The following IGF2BP2 variants were observed in gnomAD, a reference collection of about 807,000 sequenced individuals.
IGF2BP2 encodes the protein insulin like growth factor 2 mRNA binding protein 2.
Under a neutral mutation model 75.8 loss-of-function variants are expected in IGF2BP2, and 17 were observed. The ratio of observed to expected loss-of-function variants is 0.22; its 90% CI spans 0.15 to 0.34. The LOEUF is 0.34. Among genes scored for constraint, IGF2BP2 ranks in the 10% least tolerant of loss-of-function variants. The pLI is 1.00. For synonymous variants in IGF2BP2, 288 were observed against 295.6 expected, an observed-to-expected ratio of 0.97 and a Z score of 0.26; for missense variants, 516 against 772.4, an observed-to-expected ratio of 0.67 and a Z score of 3.93.
At chr3:185,674,842 CTTAT>C (rs1719051443) in intron 9 of IGF2BP2, among the ~76,000 whole-genome samples, 1 of 151,404 alleles carries the variant, frequency 6.6e-6, no homozygotes, top group Non-Finnish European at 1.5e-5. Flanking sequence ...TCTTGCTTTT[CTTAT>C]TTAGAGATGG....
chr3:185,811,701 G>C (rs1379713122), intron 2 of IGF2BP2, among the ~76,000 whole-genome samples: 1 of 152,082 alleles, frequency 6.6e-6, no homozygotes, highest in East Asian at 1.9e-4. Context: ...GTAAACATAC[G>C]GTGATCTCTT....
At chr3:185,700,511 G>C (rs1336811318) in intron 2 of IGF2BP2, among the ~76,000 whole-genome samples, 3 of 152,166 alleles carry the variant, frequency 2.0e-5, no homozygotes, top group African/African-American at 7.2e-5. Context: ...TTTGGCAATA[G>C]TTCAGAATAA....
chr3:185,818,559 A>T (rs1011745607), intron 2 of IGF2BP2, among the ~76,000 whole-genome samples: 1 of 152,142 alleles, frequency 6.6e-6, no homozygotes, highest in Non-Finnish European at 1.5e-5. Context: ...TCTACCTGAA[A>T]CTGTCCCCAA....
intron 2 of IGF2BP2, chr3:185,725,170 T>C (rs572868597): frequency 6.6e-6 from 1 of 152,362 alleles, no homozygotes; most frequent in Admixed American, 6.5e-5. Flanking sequence ...CACTGTACCC[T>C]TTCCAAATTC....
intron 2 of IGF2BP2, among the ~76,000 whole-genome samples, chr3:185,762,692 T>C (rs1732541945): frequency 6.6e-6 from 1 of 152,182 alleles, no homozygotes; most frequent in African/African-American, 2.4e-5. Context: ...GAGCTTATAC[T>C]GGCTGCAGTC....
intron 2 of IGF2BP2, among the ~76,000 whole-genome samples, chr3:185,781,816 C>T (rs528501355): frequency 5.9e-5 from 9 of 151,844 alleles, no homozygotes; most frequent in Admixed American, 2.0e-4. Context: ...TGCATGAGTG[C>T]GTTTGCTTTG....
At chr3:185,772,286 C>T (rs554956718) in intron 2 of IGF2BP2, among the ~76,000 whole-genome samples, 197 of 152,232 alleles carry the variant, frequency 1.3e-3, no homozygotes, top group Non-Finnish European at 1.5e-3. Flanking sequence ...AAAGAGTTTT[C>T]CCTACTGTAA....
intron 2 of IGF2BP2, among the ~76,000 whole-genome samples, chr3:185,707,224 C>CAA (rs1171145824): frequency 2.3e-5 from 2 of 86,112 alleles, no homozygotes; most frequent in African/African-American, 4.4e-5. Flanking sequence ...AACTCCATCT[C>CAA]AAAAAAAAAA....
intron 2 of IGF2BP2, among the ~76,000 whole-genome samples, chr3:185,756,714 C>T (rs886662605): frequency 7.9e-5 from 12 of 152,308 alleles, no homozygotes; most frequent in South Asian, 4.1e-4. Flanking sequence ...TGGCTCATGC[C>T]TGTAATCCGA....
chr3:185,650,894 A>C (rs1384457354), intron 13 of IGF2BP2, among the ~76,000 whole-genome samples: 1 of 152,184 alleles, frequency 6.6e-6, no homozygotes, highest in Non-Finnish European at 1.5e-5. Flanking sequence ...TTTCATATGA[A>C]CGAAATCACT....
At chr3:185,795,099 A>G (rs569385763) in intron 2 of IGF2BP2, among the ~76,000 whole-genome samples, 3 of 151,902 alleles carry the variant, frequency 2.0e-5, no homozygotes, top group East Asian at 1.9e-4. Context: ...AGGTTTCACC[A>G]TGTTAGCCAG....
At chr3:185,779,497 A>G (rs1734935346) in intron 2 of IGF2BP2, among the ~76,000 whole-genome samples, 1 of 152,172 alleles carries the variant, frequency 6.6e-6, no homozygotes, top group Admixed American at 6.5e-5. Context: ...TGTGTCCATG[A>G]GTTAATACAT....
chr3:185,799,701 G>C (rs1323902883), intron 2 of IGF2BP2, among the ~76,000 whole-genome samples: 1 of 151,616 alleles, frequency 6.6e-6, no homozygotes. Context: ...GCAGTGAGCT[G>C]AGATTGCACA....
At chr3:185,808,943 A>C in intron 2 of IGF2BP2, among the ~76,000 whole-genome samples, 1 of 152,162 alleles carries the variant, frequency 6.6e-6, no homozygotes, top group East Asian at 1.9e-4. Context: ...TATATGAATT[A>C]CTTTGTCCAT....
intron 2 of IGF2BP2, among the ~76,000 whole-genome samples, chr3:185,809,644 GAAAGAAA>G (rs1286016632): frequency 2.7e-5 from 4 of 150,302 alleles, no homozygotes; most frequent in Admixed American, 6.6e-5. Context: ...AGAAAGGAAA[GAAAGAAA>G]AAAGAAAAAA....
intron 2 of IGF2BP2, among the ~76,000 whole-genome samples, chr3:185,778,337 G>A (rs1734784546): frequency 1.3e-5 from 2 of 152,108 alleles, no homozygotes; most frequent in African/African-American, 4.8e-5. Flanking sequence ...TTAGAATATG[G>A]GAGGAAACTG....
Position 185,675,416 on chromosome 3 carries a change from G to A in IGF2BP2, c.951C>T (p.Ser317=). 6.2e-7 allele frequency: 1 copy of A among 1,610,434 alleles called. No homozygotes were observed. The highest frequency in any genetic ancestry group is 8.5e-7 in the Non-Finnish European group (1 of 1,179,200). Residue 317 remains serine (S), a synonymous_variant, in exon 9 of 16, where the codon AGC becomes AGT. Transcript: ENST00000382199. Reference sequence around the variant, plus strand: ...TGATGGTTCTTTCCGGGTTGTATATGCTCAAATCCTGCAAACTGACCCATG... The same window carrying A: ...TGATGGTTCTTTCCGGGTTGTATATACTCAAATCCTGCAAACTGACCCATG... ...KITISSLQDL[S]IYNPERTITV... is the part of the protein sequence containing the mutation.
At chr3:185,746,060 T>C (rs1181674976) in intron 2 of IGF2BP2, among the ~76,000 whole-genome samples, 3 of 152,120 alleles carry the variant, frequency 2.0e-5, no homozygotes, top group African/African-American at 7.2e-5. Context: ...CTTAAGAGAA[T>C]CTACCTTATT....
At chr3:185,730,833 T>TA (rs1372460983) in intron 2 of IGF2BP2, among the ~76,000 whole-genome samples, 2 of 152,160 alleles carry the variant, frequency 1.3e-5, no homozygotes, top group African/African-American at 4.8e-5. Context: ...AATTTACACT[T>TA]ACACTAACAG....
Sources: allele counts gnomAD v4.1 joint callset (sites outside exome capture counted in the v4.1 genomes callset), GRCh38; gene constraint gnomAD v4.1.1; transcripts MANE v1.5; gene names NCBI Gene and HGNC (gene_info 2026-07-23, HGNC 2026-07-21).